The following ARMC2 variants were observed in gnomAD, a reference collection of about 807,000 sequenced individuals.
ARMC2 encodes armadillo repeat-containing protein 2.
Under a neutral mutation model 90.3 loss-of-function variants are expected in ARMC2, and 67 were observed. The observed-to-expected ratio is 0.74, with a 90% CI of 0.61 to 0.91. The LOEUF is 0.91. Ranked by LOEUF, ARMC2 falls within the 40% of genes least tolerant of loss-of-function variation. The pLI is 0.00. For synonymous variants in ARMC2, 393 were observed against 393.0 expected (o/e 1.00, Z 0.00); for missense variants, 920 against 1,030.9 (o/e 0.89, Z 1.47).
the ARMC2 span, among the ~76,000 whole-genome samples, chr6:109,052,926 C>T: frequency 6.6e-6 from 1 of 152,090 alleles, no homozygotes; most frequent in African/African-American, 2.4e-5. Flanking sequence ...ATAATCTAGT[C>T]AAGGGAGACA....
chr6:108,936,193 C>G (rs955243497), intron 11 of ARMC2, among the ~76,000 whole-genome samples: 2 of 152,216 alleles, frequency 1.3e-5, no homozygotes, highest in African/African-American at 4.8e-5. Context: ...ATAGCACTAC[C>G]AATCTACTAT....
intron 17 of ARMC2, 71 bp from the exon 18 acceptor site, chr6:108,973,286 A>G (rs1292111852): frequency 7.3e-7 from 1 of 1,365,388 alleles, no homozygotes; most frequent in African/African-American, 1.5e-5. Context: ...AACTCATATC[A>G]TCAAAATTAA....
the ARMC2 span, chr6:109,009,255 C>G: frequency 1.9e-6 from 2 of 1,080,148 alleles, no homozygotes; most frequent in Non-Finnish European, 2.4e-6. Context: ...TGACCGGGAG[C>G]GACTGTGAGG....
intron 3 of ARMC2, among the ~76,000 whole-genome samples, chr6:108,866,198 T>C (rs1775800942): frequency 6.6e-6 from 1 of 152,160 alleles, no homozygotes. Flanking sequence ...ATCTTCAAAA[T>C]TGAGATTACC....
intron 1 of ARMC2, among the ~76,000 whole-genome samples, chr6:108,853,645 G>T (rs188058068): frequency 6.6e-6 from 1 of 152,128 alleles, no homozygotes; most frequent in East Asian, 1.9e-4. Flanking sequence ...TCAGGAAGGG[G>T]TGTTGGGAAA....
At chr6:108,967,324 T>C (rs576591601) in intron 17 of ARMC2, among the ~76,000 whole-genome samples, 1 of 152,194 alleles carries the variant, frequency 6.6e-6, no homozygotes, top group Non-Finnish European at 1.5e-5. Flanking sequence ...CTATCTGTGG[T>C]TTCCTTTGTT....
At chr6:109,036,879 C>T in the ARMC2 span, among the ~76,000 whole-genome samples, 2 of 152,114 alleles carry the variant, frequency 1.3e-5, no homozygotes, top group African/African-American at 2.4e-5. Context: ...ATAAAACAGT[C>T]GTAAATCTGA....
At chr6:108,884,824 A>G (rs1777923090) in intron 5 of ARMC2, among the ~76,000 whole-genome samples, 1 of 152,162 alleles carries the variant, frequency 6.6e-6, no homozygotes, top group Non-Finnish European at 1.5e-5. Context: ...GGGACAAAGG[A>G]AGCCATTGGG....
chr6:108,893,588 C>T (rs551993095), intron 5 of ARMC2, among the ~76,000 whole-genome samples: 7 of 152,320 alleles, frequency 4.6e-5, no homozygotes, highest in African/African-American at 1.7e-4. Context: ...GGTATATATC[C>T]TTAACCAATT....
chr6:108,964,363 A>T, intron 16 of ARMC2, 51 bp downstream of exon 16: 1 of 1,585,990 alleles, frequency 6.3e-7, no homozygotes, highest in Non-Finnish European at 8.6e-7. Flanking sequence ...GAAGGACATC[A>T]TTTTCTTGGG....
At chr6:108,970,046 A>AG (rs1457462615) in intron 17 of ARMC2, among the ~76,000 whole-genome samples, 1 of 152,130 alleles carries the variant, frequency 6.6e-6, no homozygotes, top group East Asian at 1.9e-4. Context: ...TTAAAAAAAA[A>AG]AATTGAATCA....
chr6:108,972,839 A>ATTTTTT (rs113667720), intron 17 of ARMC2, among the ~76,000 whole-genome samples: 1 of 137,846 alleles, frequency 7.3e-6, no homozygotes, highest in African/African-American at 2.7e-5. Flanking sequence ...TAATCTTCTG[A>ATTTTTT]TTTTTTTTTT....
At chr6:108,860,154 T>C (rs1775075462) in intron 3 of ARMC2, among the ~76,000 whole-genome samples, 1 of 152,204 alleles carries the variant, frequency 6.6e-6, no homozygotes, top group Non-Finnish European at 1.5e-5. Flanking sequence ...GTCATATTTT[T>C]AATTTTCAAA....
the ARMC2 span, among the ~76,000 whole-genome samples, chr6:109,037,312 A>G: frequency 6.6e-6 from 1 of 152,198 alleles, no homozygotes; most frequent in Non-Finnish European, 1.5e-5. Context: ...TTAAATTGGA[A>G]TTTAGGGCAC....
At chr6:108,922,569 G>A (rs768188597) in intron 10 of ARMC2, among the ~76,000 whole-genome samples, 4 of 152,094 alleles carry the variant, frequency 2.6e-5, no homozygotes, top group Non-Finnish European at 5.9e-5. Context: ...AAGCTTTTGA[G>A]TTCTCATTTT....
At chr6:108,976,946 A>G (rs1247108347), downstream of ARMC2, among the ~76,000 whole-genome samples, 1 of 152,236 alleles carries the variant, frequency 6.6e-6, no homozygotes, top group Non-Finnish European at 1.5e-5. Flanking sequence ...TACCATCTGC[A>G]AACAGAGACA....
chr6:109,051,805 A>T, the ARMC2 span, among the ~76,000 whole-genome samples: 1 of 152,198 alleles, frequency 6.6e-6, no homozygotes, highest in East Asian at 1.9e-4. Context: ...ATTTGGTCTG[A>T]TAAGGGCCTT....
At chr6:108,994,505 A>G in the ARMC2 span, 14 of 1,613,050 alleles carry the variant, frequency 8.7e-6, no homozygotes, top group Non-Finnish European at 9.3e-6. Flanking sequence ...CTATTTCAAA[A>G]CGTGAAGCCA....
chr6:108,905,117 T>C (rs371497577), intron 8 of ARMC2, among the ~76,000 whole-genome samples: 50 of 152,308 alleles, frequency 3.3e-4, no homozygotes, highest in African/African-American at 1.1e-3. Context: ...CTAAAACAAA[T>C]GAATGAAGCT....
Sources: allele counts gnomAD v4.1 joint callset (sites outside exome capture counted in the v4.1 genomes callset), GRCh38; gene constraint gnomAD v4.1.1; transcripts MANE v1.5; gene names NCBI Gene and HGNC (gene_info 2026-07-23, HGNC 2026-07-21).